KIAA1217: variants seen among roughly 807,000 people sequenced by gnomAD.
KIAA1217 encodes the protein KIAA1217, also known as sickle tail protein homolog.
A neutral mutation model predicts 163.9 loss-of-function variants in KIAA1217; 88 were observed. The observed-to-expected ratio is 0.54, with a 90% CI of 0.45 to 0.64. KIAA1217 has a LOEUF of 0.64. Ranked by LOEUF, KIAA1217 falls within the 30% of genes least tolerant of loss-of-function variation. The probability of loss-of-function intolerance (pLI) is 0.00; values close to 1 mark genes in which losing one functional copy is unlikely to be tolerated. For missense variants in KIAA1217, 2,372 were observed against 2,475.0 expected, an observed-to-expected ratio of 0.96 and a Z score of 0.88; for synonymous variants, 903 against 923.1, an observed-to-expected ratio of 0.98 and a Z score of 0.39.
At chr10:23,760,072 G>T (rs1834173003) in intron 1 of KIAA1217, among the ~76,000 whole-genome samples, 1 of 152,000 alleles carries the variant, frequency 6.6e-6, no homozygotes, top group East Asian at 1.9e-4. Context: ...TCCCTTCTTG[G>T]GTTTAGGGAA....
At chr10:24,531,567 T>G (rs2073127924) in intron 14 of KIAA1217, among the ~76,000 whole-genome samples, 1 of 152,176 alleles carries the variant, frequency 6.6e-6, no homozygotes, top group Admixed American at 6.5e-5. Flanking sequence ...CATTCAATCC[T>G]TATGACACCC....
chr10:23,990,603 G>C (rs1252225741), intron 1 of KIAA1217, among the ~76,000 whole-genome samples: 1 of 152,096 alleles, frequency 6.6e-6, no homozygotes, highest in Non-Finnish European at 1.5e-5. Context: ...ATATATTTTA[G>C]GAAAGCATGC....
intron 2 of KIAA1217, chr10:24,275,832 C>T (rs938771237): frequency 4.7e-5 from 22 of 463,648 alleles, no homozygotes; most frequent in African/African-American, 3.9e-4. Context: ...ATAAAATTTT[C>T]CAAAGCAGTG....
intron 2 of KIAA1217, among the ~76,000 whole-genome samples, chr10:24,360,328 C>T (rs1016161559): frequency 1.3e-5 from 2 of 152,054 alleles, no homozygotes; most frequent in East Asian, 1.9e-4. Context: ...GATCCTGTCA[C>T]GCCCGGCCAA....
chr10:24,255,463 G>T lies in KIAA1217; in HGVS notation c.354+35554G>T, dbSNP rs74125001. 2.7e-3 allele frequency: 1,236 copies of T among 454,642 alleles called. 15 individuals are homozygous for T. Among genetic ancestry groups the T allele is most frequent in the African/African-American group, 0.022 (1,121 of 50,144 alleles). The allele number at this position is 454,642 out of a possible 1,614,324, so 28.2% of individuals were successfully genotyped here. A position where few individuals can be genotyped will look rare whatever the true frequency, so the allele number is the denominator to read the frequency against. On this transcript the variant is annotated intron_variant, in intron 2 of 20. Coordinates refer to ENST00000376454, the MANE Select transcript of KIAA1217 (RefSeq NM_019590.5). Reference sequence around the variant, plus strand: ...ACTGGACTGCTCCCAGAACATTAAAGGTCTGGCTGATGTTCCATGCCACAT... The same window carrying T: ...ACTGGACTGCTCCCAGAACATTAAATGTCTGGCTGATGTTCCATGCCACAT...
intron 17 of KIAA1217, among the ~76,000 whole-genome samples, chr10:24,538,129 A>T (rs570035953): frequency 1.3e-5 from 2 of 152,346 alleles, no homozygotes; most frequent in African/African-American, 4.8e-5. Context: ...CATGTACGAC[A>T]GCTCAAGGAG....
At position 24,499,554 on chromosome 10, in the gene KIAA1217, G is replaced by A. The variant is rs189795713; in HGVS notation, c.1835-1825G>A. 4.4e-4 allele frequency among the ~76,000 whole-genome samples: 67 copies of A among 152,270 alleles called. 1 individual carries two copies. The East Asian group carries it at 8.9e-3, about 20-fold the overall frequency. ...CCGAGACTAGCCTGGATAACATGGT[G>A]AAACCTCGTCTCTACTAAAAATACA... On this transcript the variant is annotated intron_variant, in intron 8 of 20. Coordinates refer to ENST00000376454, the MANE Select transcript of KIAA1217 (RefSeq NM_019590.5).
chr10:23,710,023 GTTAC>G (rs1319881851), intron 1 of KIAA1217, among the ~76,000 whole-genome samples: 3 of 152,196 alleles, frequency 2.0e-5, no homozygotes, highest in African/African-American at 7.2e-5. Context: ...GGAACTGTGT[GTTAC>G]TTACTTTCAT....
intron 2 of KIAA1217, among the ~76,000 whole-genome samples, chr10:24,347,650 G>T (rs2047955893): frequency 6.6e-6 from 1 of 151,870 alleles, no homozygotes; most frequent in South Asian, 2.1e-4. Flanking sequence ...GAGAGAGAAT[G>T]AAAAAATATA....
intron 1 of KIAA1217, among the ~76,000 whole-genome samples, chr10:23,918,964 T>C (rs1842740678): frequency 6.6e-6 from 1 of 152,094 alleles, no homozygotes; most frequent in Non-Finnish European, 1.5e-5. Context: ...GCCAGGTCTC[T>C]GATGAGTAAA....
intron 11 of KIAA1217, among the ~76,000 whole-genome samples, chr10:24,520,683 C>CAAAAA (rs1392742371): frequency 1.0e-5 from 1 of 98,924 alleles, no homozygotes; most frequent in East Asian, 4.3e-4. Flanking sequence ...TATACACACA[C>CAAAAA]ACACAAAAAA....
In KIAA1217 at chr10:23,716,404, AG is replaced by A. The variant is rs368368064; in HGVS notation, c.-321+21174del. ...TAGTTTGTGTGTGTATCTGTATTCT[AG>A]GGGATCCTTTAGGCTAAATAAATGC... On this transcript the variant is annotated intron_variant, in intron 1 of 18. Transcript: ENST00000376462. Among the ~76,000 whole-genome samples, 38 of 152,284 alleles carry A rather than the reference AG, an allele frequency of 2.5e-4. No individual in the cohort carries two copies. In the East Asian group the frequency reaches 5.2e-3, roughly 21 times the overall value.
intron 16 of KIAA1217, among the ~76,000 whole-genome samples, chr10:24,534,956 C>T (rs1163746508): frequency 1.3e-5 from 2 of 151,254 alleles, no homozygotes; most frequent in Non-Finnish European, 2.9e-5. Flanking sequence ...TGTTAGCCCT[C>T]TGGCTGGGAT....
intron 2 of KIAA1217, among the ~76,000 whole-genome samples, chr10:24,011,395 G>A (rs1487387686): frequency 6.6e-6 from 1 of 152,108 alleles, no homozygotes; most frequent in Non-Finnish European, 1.5e-5. Context: ...GCTGAGGTGG[G>A]AGGATCACTT....
At chr10:23,804,152 C>T (rs886432712) in intron 1 of KIAA1217, among the ~76,000 whole-genome samples, 16 of 152,086 alleles carry the variant, frequency 1.1e-4, no homozygotes, top group African/African-American at 3.4e-4. Flanking sequence ...ATGTTTTCAA[C>T]CAGCACTTTT....
Position 24,176,825 on chromosome 10 carries a change from G to A in KIAA1217, c.-170-42801G>A, listed in dbSNP as rs923592717. On this transcript the variant is annotated intron_variant, in intron 2 of 18. Transcript: ENST00000376462. Reference sequence around the variant, plus strand: ...AAGCCATGCGGTAGCCCACGGGGCAGGGGAGGCTCAGGCATGGCGAGCTGC... The same window carrying A: ...AAGCCATGCGGTAGCCCACGGGGCAAGGGAGGCTCAGGCATGGCGAGCTGC... Among the ~76,000 whole-genome samples, 36 of 152,346 alleles carry A rather than the reference G, an allele frequency of 2.4e-4. 1 individual carries two copies. The highest frequency in any genetic ancestry group is 6.5e-4 in the African/African-American group (27 of 41,602).
At chr10:23,830,689 G>A (rs1838143667) in intron 1 of KIAA1217, among the ~76,000 whole-genome samples, 1 of 151,758 alleles carries the variant, frequency 6.6e-6, no homozygotes, top group African/African-American at 2.4e-5. Context: ...TAGGTAGGTA[G>A]GTAGGTAGGT....
At chr10:24,327,401 T>C (rs1250906223) in intron 2 of KIAA1217, among the ~76,000 whole-genome samples, 1 of 152,238 alleles carries the variant, frequency 6.6e-6, no homozygotes, top group Non-Finnish European at 1.5e-5. Flanking sequence ...TAAAGTCCCC[T>C]ATAAGTATAA....
At chr10:24,407,145 G>A (rs1020931027) in intron 3 of KIAA1217, among the ~76,000 whole-genome samples, 1 of 152,138 alleles carries the variant, frequency 6.6e-6, no homozygotes, top group Non-Finnish European at 1.5e-5. Flanking sequence ...AGTCTGAGAG[G>A]AAGATTGGCT....
Sources: gnomAD v4.1 joint callset for allele counts (sites outside exome capture counted in the v4.1 genomes callset) on GRCh38, gnomAD v4.1.1 for gene constraint, MANE v1.5 for transcripts, NCBI Gene and HGNC (gene_info 2026-07-23, HGNC 2026-07-21) for gene names.